SMARCA2: variants seen among roughly 807,000 people sequenced by gnomAD.
SMARCA2 encodes SWI/SNF related BAF chromatin remodeling complex subunit ATPase 2.
In SMARCA2, 61 loss-of-function variants were observed where a neutral mutation model predicts 199.8. The ratio of observed to expected loss-of-function variants is 0.31; its 90% CI spans 0.25 to 0.38. The LOEUF (loss-of-function observed/expected upper bound fraction) is 0.38, where lower values mean the gene tolerates loss of function less well. SMARCA2 is among the 10% of genes least tolerant of loss of function. The pLI, the probability that SMARCA2 is intolerant of heterozygous loss-of-function variation, is 1.00. For synonymous variants in SMARCA2, 935 were observed against 732.0 expected, an observed-to-expected ratio of 1.28 and a Z score of -4.48; for missense variants, 1,344 against 2,012.2, an observed-to-expected ratio of 0.67 and a Z score of 6.35.
intron 1 of SMARCA2, among the ~76,000 whole-genome samples, chr9:2,023,641 A>C (rs1345202212): frequency 6.6e-6 from 1 of 152,200 alleles, no homozygotes; most frequent in Non-Finnish European, 1.5e-5. Flanking sequence ...TTCACCGCTT[A>C]TCCCGACAAC....
intron 1 of SMARCA2, among the ~76,000 whole-genome samples, chr9:2,025,047 A>G (rs1818766077): frequency 6.6e-6 from 1 of 151,712 alleles, no homozygotes; most frequent in African/African-American, 2.4e-5. Context: ...ACTCCTTTTA[A>G]TATGCAGATG....
rs1353802111 is a variant in SMARCA2 at position 2,115,998 on chromosome 9, C to T, written c.3633C>T (p.His1211=). The change falls in exon 25 of 34, where the codon CAC becomes CAT. Residue 1211 remains histidine (H), a synonymous_variant. Transcript: ENST00000349721. This position sits in a 1 kb window ranked among gnomAD's most constrained non-coding sequence, Gnocchi z 6.0. ...AGMFDQKSSS[H]ERRAFLQAIL... The stretch of plus-strand genomic sequence containing the variant: ...TGTTTGACCAAAAGTCTTCAAGCCA[C>T]GAGCGGAGGGCATTCCTGCAGGCCA... 21 of 1,613,958 alleles carry T rather than the reference C, an allele frequency of 1.3e-5. No homozygotes were observed. Among genetic ancestry groups the T allele is most frequent in the Non-Finnish European group, 1.7e-5 (20 of 1,180,004 alleles).
intron 8 of SMARCA2, among the ~76,000 whole-genome samples, chr9:2,060,361 C>T (rs1009872234): frequency 6.6e-6 from 1 of 152,110 alleles, no homozygotes; most frequent in African/African-American, 2.4e-5. Context: ...AGCAATGAAA[C>T]AGGAGTCATC....
chr9:2,079,253 C>G (rs1270335115), intron 14 of SMARCA2, among the ~76,000 whole-genome samples: 1 of 152,186 alleles, frequency 6.6e-6, no homozygotes, highest in African/African-American at 2.4e-5. Context: ...ACTTCTTTAA[C>G]ATTGTTTAAC....
chr9:2,149,059 A>C (rs775746510), intron 27 of SMARCA2, among the ~76,000 whole-genome samples: 1 of 151,182 alleles, frequency 6.6e-6, no homozygotes, highest in Admixed American at 6.6e-5. Context: ...TGCCTGTATT[A>C]GTCTGTTTTC....
In SMARCA2 at chr9:2,123,137, T is replaced by A. The variant is rs1823538535; in HGVS notation, c.3763-582T>A. On this transcript the variant is annotated intron_variant, in intron 26 of 33. Transcript: ENST00000349721. This position sits in a 1 kb window ranked among gnomAD's most constrained non-coding sequence, Gnocchi z 4.1. ...TCCTCAGACAGTGCCCATGAGGTAT[T>A]GAAAAGTTAGTATATTCATGGCCAA... Among the ~76,000 whole-genome samples, 1 of 152,214 alleles carries A rather than the reference T, an allele frequency of 6.6e-6. No homozygotes were observed. The highest frequency in any genetic ancestry group is 2.4e-5 in the African/African-American group (1 of 41,458).
rs565014457 is a variant in SMARCA2, at chr9:2,180,126, T to G, written c.4254-1445T>G. Among the ~76,000 whole-genome samples, 4 of 152,290 alleles carry G rather than the reference T, an allele frequency of 2.6e-5. No homozygotes were observed. The South Asian group carries it at 6.2e-4, about 24-fold the overall frequency. On this transcript the variant is annotated intron_variant, in intron 29 of 33. Transcript: ENST00000349721. Reference sequence around the variant, plus strand: ...GTGGTTGAGAGGGTGAGAGAACACCTTGGTTCTTGCTGCAGTGATCCAGAA... The same window carrying G: ...GTGGTTGAGAGGGTGAGAGAACACCGTGGTTCTTGCTGCAGTGATCCAGAA...
intron 1 of SMARCA2, among the ~76,000 whole-genome samples, chr9:2,019,345 A>G (rs1818504255): frequency 6.6e-6 from 1 of 152,192 alleles, no homozygotes; most frequent in Non-Finnish European, 1.5e-5. Context: ...GACTAGGTGC[A>G]CTGTGGTGTT....
At chr9:2,154,774 T>C (rs1007708324) in intron 27 of SMARCA2, among the ~76,000 whole-genome samples, 2 of 152,244 alleles carry the variant, frequency 1.3e-5, no homozygotes, top group African/African-American at 4.8e-5. Flanking sequence ...CATTAAGTTA[T>C]TCTTTGTGAG....
At chr9:2,148,828 C>T (rs1353616488) in intron 27 of SMARCA2, among the ~76,000 whole-genome samples, 1 of 151,326 alleles carries the variant, frequency 6.6e-6, no homozygotes, top group Non-Finnish European at 1.5e-5. Context: ...TAGATCTTGC[C>T]ATTGCCCATT....
Position 2,104,272 on chromosome 9 carries a change from G to T in SMARCA2, c.3292+103G>T. The T allele has an allele frequency of 3.8e-6, 4 of 1,058,116 alleles. No individual in the cohort carries two copies. Among genetic ancestry groups the T allele is most frequent in the Non-Finnish European group, 5.5e-6 (4 of 729,272 alleles). The allele number at this position is 1,058,116 out of a possible 1,614,324, so 65.5% of individuals were successfully genotyped here. A position where few individuals can be genotyped will look rare whatever the true frequency, so the allele number is the denominator to read the frequency against. ...GCCAAAAAGAAGGGGTAAAATTGAAGAATTGACTAGAAGCATTGGGAGCAG... is the reference window on the plus strand; with the variant it reads ...GCCAAAAAGAAGGGGTAAAATTGAATAATTGACTAGAAGCATTGGGAGCAG... On this transcript the variant is annotated intron_variant, in intron 23 of 33. Coordinates refer to ENST00000349721, the MANE Select transcript of SMARCA2 (RefSeq NM_003070.5). This position sits in a 1 kb window ranked among gnomAD's most constrained non-coding sequence, Gnocchi z 4.0.
At chr9:2,187,911 C>G (rs1347451141) in intron 32 of SMARCA2, among the ~76,000 whole-genome samples, 1 of 151,702 alleles carries the variant, frequency 6.6e-6, no homozygotes, top group Non-Finnish European at 1.5e-5. Context: ...ATAATAAGTA[C>G]AAAAATCATG....
chr9:2,186,292 A>C, intron 32 of SMARCA2, 64 bp downstream of exon 32: 1 of 1,507,988 alleles, frequency 6.6e-7, no homozygotes, highest in Non-Finnish European at 9.0e-7. Context: ...CTGTCTCCAC[A>C]GATGTTCACA....
chr9:2,158,224 A>G (rs1055951666), intron 27 of SMARCA2: 2 of 196,314 alleles, frequency 1.0e-5, no homozygotes, highest in Admixed American at 1.2e-4. Flanking sequence ...TCCCAGCTTC[A>G]TTCAGGAAAA....
intron 28 of SMARCA2, among the ~76,000 whole-genome samples, chr9:2,167,317 T>C (rs1432540388): frequency 6.6e-6 from 1 of 152,244 alleles, no homozygotes; most frequent in Non-Finnish European, 1.5e-5. Flanking sequence ...ATTGTTCTCA[T>C]TCCTGAAGAA....
chr9:2,148,092 C>G (rs1464483021), intron 27 of SMARCA2, among the ~76,000 whole-genome samples: 1 of 151,766 alleles, frequency 6.6e-6, no homozygotes, highest in South Asian at 2.1e-4. Context: ...AACAGCATTT[C>G]TGTTGCTGCT....
In SMARCA2 at chr9:2,123,752, C is replaced by T. The variant is rs768875248; in HGVS notation, c.3796C>T (p.Arg1266Trp). The change falls in exon 27 of 34, where the codon CGG (arginine) becomes TGG (tryptophan). Residue 1266 changes from arginine to tryptophan, a missense_variant. This residue lies in a region of SMARCA2 where 63 missense variants were observed against 83.3 expected (regional missense o/e 0.76). Transcript: ENST00000349721. The surrounding 1 kb of genome is among the most constrained non-coding windows in gnomAD (Gnocchi z 4.1). ...CATGGACCGGCGGAGGGAAGATGCCCGGAACCCGAAACGGAAGCCCCGTTT... is the reference window on the plus strand; with the variant it reads ...CATGGACCGGCGGAGGGAAGATGCCTGGAACCCGAAACGGAAGCCCCGTTT... ...MDMDRRREDA[R>W]NPKRKPRLME... 5.6e-6 allele frequency: 9 copies of T among 1,613,964 alleles called. No individual in the cohort carries two copies. Among genetic ancestry groups the T allele is most frequent in the Non-Finnish European group, 6.8e-6 (8 of 1,180,018 alleles).
Position 2,039,525 on chromosome 9 carries a change from T to C in SMARCA2, c.415T>C (p.Ser139Pro), listed in dbSNP as rs769229718. 6.2e-7 allele frequency: 1 copy of C among 1,613,794 alleles called. No individual in the cohort carries two copies. Among genetic ancestry groups the C allele is most frequent in the Non-Finnish European group, 8.5e-7 (1 of 1,179,750 alleles). The change falls in exon 4 of 34, where the codon TCT becomes CCT. Residue 139 changes from serine to proline, a missense_variant. Physicochemically the swap from Ser to Pro is moderately conservative, Grantham distance 74. Around this residue, in one of 18 missense-constraint regions of SMARCA2, gnomAD observed 275 missense variants for 247.5 expected, o/e 1.11. Coordinates refer to ENST00000349721, the MANE Select transcript of SMARCA2 (RefSeq NM_003070.5). This position sits in a 1 kb window ranked among gnomAD's most constrained non-coding sequence, Gnocchi z 4.8. ...CCCAGAGCACGTCTCCAGCCCTATGTCTGGAGGAGGCCCAACTCCACCTCA... is the reference window on the plus strand; with the variant it reads ...CCCAGAGCACGTCTCCAGCCCTATGCCTGGAGGAGGCCCAACTCCACCTCA... ...GAPEHVSSPM[S>P]GGGPTPPQMP...
chr9:2,076,607 C>T lies in SMARCA2; in HGVS notation c.2036+278C>T, dbSNP rs57170835. Among the ~76,000 whole-genome samples, 58 of 151,988 alleles carry T rather than the reference C, an allele frequency of 3.8e-4. No homozygotes were observed. The East Asian group carries it at 0.01, about 27-fold the overall frequency. ...TTAATCCCCACCTCCAGCTCAGGCTCACTCCTGAGCCTCACACCTGTCGTC... is the reference window on the plus strand; with the variant it reads ...TTAATCCCCACCTCCAGCTCAGGCTTACTCCTGAGCCTCACACCTGTCGTC... On this transcript the variant is annotated intron_variant, in intron 13 of 33. Transcript: ENST00000349721.
Sources: gnomAD v4.1 joint callset for allele counts (sites outside exome capture counted in the v4.1 genomes callset) on GRCh38, gnomAD v4.1.1 for gene constraint, gnomAD v4.1.1 regional missense constraint, Gnocchi (gnomAD v3.1) non-coding constraint, MANE v1.5 for transcripts, NCBI Gene and HGNC (gene_info 2026-07-23, HGNC 2026-07-21) for gene names.